The following RPS27A variants were observed in gnomAD, a reference collection of about 807,000 sequenced individuals.
The protein encoded by RPS27A is ribosomal protein S27a, also known as ubiquitin-ribosomal protein eS31 fusion protein.
In RPS27A, 1 loss-of-function variant was observed where a neutral mutation model predicts 18.9. That is an observed-to-expected ratio of 0.05 (90% CI 0.02 to 0.25). The LOEUF (loss-of-function observed/expected upper bound fraction) is 0.25, where lower values mean the gene tolerates loss of function less well. Among genes scored for constraint, RPS27A ranks in the 10% least tolerant of loss-of-function variants. The pLI, the probability that RPS27A is intolerant of heterozygous loss-of-function variation, is 1.00. For missense variants in RPS27A, 123 were observed against 187.4 expected (o/e 0.66, Z 2.01); for synonymous variants, 77 against 63.7 (o/e 1.21, Z -0.99).
intron 5 of RPS27A, 172 bp from the exon 6 acceptor site, chr2:55,235,256 C>A (rs190781349): frequency 1.5e-5 from 12 of 810,124 alleles, no homozygotes; most frequent in Non-Finnish European, 2.2e-5. Context: ...CCCAAGACTT[C>A]TGAATGTTTT....
chr2:55,233,139 G>C, intron 2 of RPS27A: 1 of 638,796 alleles, frequency 1.6e-6, no homozygotes, highest in Non-Finnish European at 2.8e-6. Flanking sequence ...TGCCCGCCGG[G>C]TGCGAGCACG....
chr2:55,234,679 T>A, intron 4 of RPS27A, 152 bp from the exon 5 acceptor site: 1 of 846,202 alleles, frequency 1.2e-6, no homozygotes. Context: ...AACTGTCAGT[T>A]AAGAATCTGA....
chr2:55,235,809 A>G lies in RPS27A; in HGVS notation c.*232A>G, dbSNP rs1675764191. Reference sequence around the variant, plus strand: ...GATATTTTCAATTCTTAGACTACCTATACTTTGGCAGAAGTTATATTTAAT... The same window carrying G: ...GATATTTTCAATTCTTAGACTACCTGTACTTTGGCAGAAGTTATATTTAAT... On this transcript the variant is annotated 3_prime_UTR_variant, in exon 6 of 6. Coordinates refer to ENST00000272317, the MANE Select transcript of RPS27A (RefSeq NM_002954.6). 8 of 573,726 alleles carry G rather than the reference A, an allele frequency of 1.4e-5. No individual in the cohort carries two copies. The highest frequency in any genetic ancestry group is 8.0e-5 in the South Asian group (4 of 49,718). The allele number at this position is 573,726 out of a possible 1,614,324, so 35.5% of individuals were successfully genotyped here. A position where few individuals can be genotyped will look rare whatever the true frequency, so the allele number is the denominator to read the frequency against.
chr2:55,233,772 G>C (rs1675635570), intron 3 of RPS27A: 1 of 471,516 alleles, frequency 2.1e-6, no homozygotes, highest in South Asian at 2.1e-5. Flanking sequence ...GGGATTACAG[G>C]CGTGCACCAC....
chr2:55,234,544 A>C, intron 4 of RPS27A: 1 of 548,580 alleles, frequency 1.8e-6, no homozygotes. Context: ...TGGCATTCGA[A>C]TAGCAGTAGA....
intron 3 of RPS27A, chr2:55,233,878 C>A: frequency 1.7e-6 from 1 of 573,362 alleles, no homozygotes; most frequent in Non-Finnish European, 3.1e-6. Context: ...GATCTGCCCA[C>A]CTCGACCTCC....
Position 55,234,151 on chromosome 2 carries a change from G to A in RPS27A, c.136G>A (p.Ala46Thr). The A allele has an allele frequency of 6.2e-7, 1 of 1,613,794 alleles. No individual in the cohort carries two copies. The highest frequency in any genetic ancestry group is 1.1e-5 in the South Asian group (1 of 91,070). Residue 46 changes from alanine (A) to threonine (T), a missense_variant, in exon 4 of 6, where the codon GCT becomes ACT. Physicochemically the swap from Ala to Thr is moderately conservative, Grantham distance 58. Coordinates refer to ENST00000272317, the MANE Select transcript of RPS27A (RefSeq NM_002954.6). ...IPPDQQRLIFAGKQLEDGRTL... is the reference protein window; with the variant it reads ...IPPDQQRLIFTGKQLEDGRTL... ...TCCTGATCAGCAGAGACTGATCTTT[G>A]CTGGCAAGCAGCTGGAAGATGGACG...
chr2:55,232,747 C>T, intron 1 of RPS27A, 39 bp downstream of exon 1: 5 of 1,336,868 alleles, frequency 3.7e-6, no homozygotes, highest in Non-Finnish European at 4.2e-6. Flanking sequence ...GGTTAGCACC[C>T]TATGGTGCCT....
At chr2:55,233,559 T>C (rs1573828158) in intron 3 of RPS27A, 142 bp downstream of exon 3, 1 of 701,330 alleles carries the variant, frequency 1.4e-6, no homozygotes, top group East Asian at 2.7e-5. Context: ...ACAATAGACA[T>C]TGGTGATCGG....
rs1313613511 is a variant in RPS27A, at chr2:55,235,778, G to T, written c.*201G>T. On this transcript the variant is annotated 3_prime_UTR_variant, in exon 6 of 6. Transcript: ENST00000272317. Reference sequence around the variant, plus strand: ...CTGCCAGGTGCCAACCACTTGTAAAGGTCTTGATATTTTCAATTCTTAGAC... The same window carrying T: ...CTGCCAGGTGCCAACCACTTGTAAATGTCTTGATATTTTCAATTCTTAGAC... 27 of 614,522 alleles carry T rather than the reference G, an allele frequency of 4.4e-5. No individual in the cohort carries two copies. The highest frequency in any genetic ancestry group is 2.9e-6 in the Non-Finnish European group (1 of 348,294). The allele number at this position is 614,522 out of a possible 1,614,324, so 38.1% of individuals were successfully genotyped here. A position where few individuals can be genotyped will look rare whatever the true frequency, so the allele number is the denominator to read the frequency against.
chr2:55,233,125 G>C, intron 2 of RPS27A: 1 of 636,794 alleles, frequency 1.6e-6, no homozygotes, highest in East Asian at 2.7e-5. Context: ...GGAAGGAGAC[G>C]CTCTGCCCGC....
rs1439971883 is a variant in RPS27A at position 55,232,694 on chromosome 2, G to A, written c.-32G>A. The stretch of plus-strand genomic sequence containing the variant: ...GGCCTGCGCGGCGTTCTTCCTTTTC[G>A]ATCCGCCATCTGCGGTGGGTGTCTG... On this transcript the variant is annotated 5_prime_UTR_variant, in exon 1 of 6. Coordinates refer to ENST00000272317, the MANE Select transcript of RPS27A (RefSeq NM_002954.6). The A allele has an allele frequency of 2.4e-6, 2 of 842,378 alleles. No homozygotes were observed. Among genetic ancestry groups the A allele is most frequent in the African/African-American group, 1.7e-5 (1 of 59,548 alleles). 52.2% of individuals were successfully genotyped at this position (842,378 alleles called of 1,614,324 possible).
chr2:55,233,510 AG>A, intron 3 of RPS27A, 93 bp downstream of exon 3: 1 of 880,926 alleles, frequency 1.1e-6, no homozygotes, highest in Non-Finnish European at 1.9e-6. Flanking sequence ...TGATGGGGGA[AG>A]GGGTCAGATT....
In RPS27A at chr2:55,235,732, T is replaced by G; in HGVS notation, c.*155T>G. Reference sequence around the variant, plus strand: ...GTGAATGTTGCCTCTGGGGATTATGTGACCCAGTGGTTCTGTATACCTGCC... The same window carrying G: ...GTGAATGTTGCCTCTGGGGATTATGGGACCCAGTGGTTCTGTATACCTGCC... On this transcript the variant is annotated 3_prime_UTR_variant, in exon 6 of 6. Transcript: ENST00000272317. The G allele has an allele frequency of 1.1e-6, 1 of 872,596 alleles. No individual in the cohort carries two copies. The highest frequency in any genetic ancestry group is 1.5e-5 in the South Asian group (1 of 66,138). The allele number at this position is 872,596 out of a possible 1,614,324, so 54.1% of individuals were successfully genotyped here.
upstream of RPS27A, chr2:55,232,315 G>A (rs1356174862): frequency 4.8e-6 from 1 of 209,178 alleles, no homozygotes; most frequent in Non-Finnish European, 1.0e-5. Flanking sequence ...CTGCATCTTG[G>A]GACAAGTAGT....
At position 55,235,632 on chromosome 2, in the gene RPS27A, G is replaced by A. The variant is rs143376339; in HGVS notation, c.*55G>A. On this transcript the variant is annotated 3_prime_UTR_variant, in exon 6 of 6. Coordinates refer to ENST00000272317, the MANE Select transcript of RPS27A (RefSeq NM_002954.6). ...ACATTTATTGTTGGGTTTTATTGCA[G>A]TAAAAAGAATGGTTTTTAAGCACCA... The A allele has an allele frequency of 7.6e-6, 12 of 1,583,828 alleles. No homozygotes were observed. The highest frequency in any genetic ancestry group is 3.3e-5 in the Admixed American group (2 of 59,974).
intron 2 of RPS27A, 37 bp downstream of exon 2, chr2:55,232,909 A>T (rs770305845): frequency 6.4e-7 from 1 of 1,560,452 alleles, no homozygotes; most frequent in South Asian, 1.1e-5. Flanking sequence ...CCAAGGTCCG[A>T]ATAAGGTCCT....
rs950138865 is a variant in RPS27A, at chr2:55,233,175, C to T, written c.49-188C>T. The T allele has an allele frequency of 1.0e-5, 7 of 676,018 alleles. No individual in the cohort carries two copies. In the African/African-American group the frequency reaches 1.1e-4, roughly 10 times the overall value. The allele number at this position is 676,018 out of a possible 1,614,324, so 41.9% of individuals were successfully genotyped here. A position where few individuals can be genotyped will look rare whatever the true frequency, so the allele number is the denominator to read the frequency against. Reference sequence around the variant, plus strand: ...TGTGGCCCTGCGGCCGCCGCCCGCTCTGGGCTGGGGAGATGAAGGTGCTTT... The same window carrying T: ...TGTGGCCCTGCGGCCGCCGCCCGCTTTGGGCTGGGGAGATGAAGGTGCTTT... On this transcript the variant is annotated intron_variant, in intron 2 of 5. Coordinates refer to ENST00000272317, the MANE Select transcript of RPS27A (RefSeq NM_002954.6).
At chr2:55,233,700 CTTACTGCAGCCTCCGCCTCCCGGG>C in intron 3 of RPS27A, 1 of 494,564 alleles carries the variant, frequency 2.0e-6, no homozygotes, top group East Asian at 3.8e-5. Context: ...CTTGTCCCGG[CTTACTGCAGCCTCCGCCTCCCGGG>C]TTCAAGTGAT....
Sources: gnomAD v4.1 joint callset for allele counts on GRCh38, gnomAD v4.1.1 for gene constraint, MANE v1.5 for transcripts, NCBI Gene and HGNC (gene_info 2026-07-23, HGNC 2026-07-21) for gene names.